Variants in PCDHAC1 observed in about 807,000 individuals in gnomAD.
PCDHAC1 encodes protocadherin alpha-C1.
In PCDHAC1, 42 loss-of-function variants were observed where a neutral mutation model predicts 60.0. The observed-to-expected ratio is 0.70, with a 90% CI of 0.55 to 0.90. The LOEUF is 0.90. Ranked by LOEUF, PCDHAC1 falls within the 40% of genes least tolerant of loss-of-function variation. The pLI, the probability that PCDHAC1 is intolerant of heterozygous loss-of-function variation, is 0.00. For synonymous variants in PCDHAC1, 468 were observed against 499.3 expected (o/e 0.94, Z 0.84); for missense variants, 1,160 against 1,222.3 (o/e 0.95, Z 0.76).
intron 1 of PCDHAC1, among the ~76,000 whole-genome samples, chr5:140,952,745 A>G (rs1554220592): frequency 6.6e-6 from 1 of 152,220 alleles, no homozygotes; most frequent in African/African-American, 2.4e-5. Context: ...TCACACTGCT[A>G]TAAAAACACC....
chr5:140,984,878 C>G (rs2097124872), intron 3 of PCDHAC1, among the ~76,000 whole-genome samples: 1 of 151,854 alleles, frequency 6.6e-6, no homozygotes, highest in African/African-American at 2.4e-5. Flanking sequence ...ATTGAGTTAC[C>G]ATGAGAACTA....
At chr5:140,958,925 G>T (rs980567381) in intron 1 of PCDHAC1, among the ~76,000 whole-genome samples, 1 of 144,748 alleles carries the variant, frequency 6.9e-6, no homozygotes, top group African/African-American at 2.6e-5. Flanking sequence ...GGGTGTGGTG[G>T]CTCATACTTG....
intron 3 of PCDHAC1, among the ~76,000 whole-genome samples, chr5:141,008,665 T>A (rs2098385671): frequency 6.6e-6 from 1 of 152,210 alleles, no homozygotes; most frequent in Non-Finnish European, 1.5e-5. Context: ...CACAATACTT[T>A]ACATATACTT....
In PCDHAC1 at chr5:140,927,640, A is replaced by G. The variant is rs2084459027; in HGVS notation, c.748A>G (p.Thr250Ala). The G allele has an allele frequency of 5.0e-6, 8 of 1,614,138 alleles. No individual in the cohort carries two copies. The highest frequency in any genetic ancestry group is 6.8e-6 in the Non-Finnish European group (8 of 1,180,018). ...GGTTCCAGAGACTGCACCCAATGGG[A>G]CTGTGTTATTCCGAGTTCAAGCCTT... ...TKVPETAPNG[T>A]VLFRVQALDP... Residue 250 changes from threonine (T) to alanine (A), a missense_variant, in exon 1 of 4, where the codon ACT (threonine) becomes GCT (alanine). Coordinates refer to ENST00000253807, the MANE Select transcript of PCDHAC1 (RefSeq NM_018898.5).
chr5:141,007,256 G>A (rs1412168610), intron 3 of PCDHAC1, among the ~76,000 whole-genome samples: 1 of 152,034 alleles, frequency 6.6e-6, no homozygotes, highest in Non-Finnish European at 1.5e-5. Flanking sequence ...CAAGTTAAAA[G>A]AAGCAGATAC....
At chr5:140,964,959 T>C (rs1330728069) in intron 1 of PCDHAC1, among the ~76,000 whole-genome samples, 2 of 152,168 alleles carry the variant, frequency 1.3e-5, no homozygotes, top group African/African-American at 4.8e-5. Context: ...GCTTGGTTGG[T>C]GGAACGAAGG....
chr5:140,928,557 C>G lies in PCDHAC1; in HGVS notation c.1665C>G (p.Ile555Met), dbSNP rs556688707. 7 of 1,614,238 alleles carry G rather than the reference C, an allele frequency of 4.3e-6. 1 individual carries two copies. The East Asian group carries it at 1.6e-4, about 36-fold the overall frequency. The change falls in exon 1 of 4, where the codon ATC becomes ATG. Residue 555 changes from isoleucine to methionine, a missense_variant. Coordinates refer to ENST00000253807, the MANE Select transcript of PCDHAC1 (RefSeq NM_018898.5). ...ATAGGAATGACAATTATCCGGTTAT[C>G]TTGTTTCCCTTGCCCAGAAATGGTT... Reference protein sequence around the residue: ...VVDRNDNYPVILFPLPRNGSV... With the variant: ...VVDRNDNYPVMLFPLPRNGSV...
chr5:140,971,202 C>T (rs1486022070), intron 1 of PCDHAC1, among the ~76,000 whole-genome samples: 1 of 152,156 alleles, frequency 6.6e-6, no homozygotes, highest in Non-Finnish European at 1.5e-5. Context: ...AGGAAAGACA[C>T]TGTTACCCTC....
rs1259591783 is a variant in PCDHAC1, at chr5:141,009,842, G to C, written c.2797G>C (p.Glu933Gln). 1.2e-6 allele frequency: 2 copies of C among 1,613,960 alleles called. No individual in the cohort carries two copies. The highest frequency in any genetic ancestry group is 1.7e-6 in the Non-Finnish European group (2 of 1,180,014). ...TGACTTCATAACCTTCGGCAAAAAG[G>C]AGGAGACCAAGAAAAAGAAGAAAAA... ...KSDFITFGKKEETKKKKKKKK... is the reference protein window; with the variant it reads ...KSDFITFGKKQETKKKKKKKK... The change falls in exon 4 of 4, where the codon GAG becomes CAG. Residue 933 changes from glutamate (E) to glutamine (Q), a missense_variant. Coordinates refer to ENST00000253807, the MANE Select transcript of PCDHAC1 (RefSeq NM_018898.5).
chr5:141,005,701 C>CAAAAAA (rs59860837), intron 3 of PCDHAC1, among the ~76,000 whole-genome samples: 13 of 7,792 alleles, frequency 1.7e-3, no homozygotes, highest in East Asian at 3.2e-3. Context: ...AACTCCGTCT[C>CAAAAAA]AAAAAAAAAA....
At chr5:140,992,044 T>A (rs1160444128) in intron 3 of PCDHAC1, among the ~76,000 whole-genome samples, 1 of 151,788 alleles carries the variant, frequency 6.6e-6, no homozygotes, top group African/African-American at 2.4e-5. Flanking sequence ...TGTGTGTGTG[T>A]GTGTGTGTGT....
At chr5:140,960,934 A>G (rs1429908471) in intron 1 of PCDHAC1, among the ~76,000 whole-genome samples, 3 of 152,236 alleles carry the variant, frequency 2.0e-5, no homozygotes, top group Admixed American at 1.3e-4. Context: ...TACTAAGTTT[A>G]GTGAATTAGA....
Position 140,926,859 on chromosome 5 carries a change from G to A in PCDHAC1, c.-34G>A. 6.6e-7 allele frequency: 1 copy of A among 1,521,332 alleles called. No homozygotes were observed. The highest frequency in any genetic ancestry group is 8.8e-7 in the Non-Finnish European group (1 of 1,134,748). 94.2% of individuals were successfully genotyped at this position (1,521,332 alleles called of 1,614,324 possible). ...ATGGTCCTGGGTCACCGTTGGTGTAGCGTGTTGGTGGAACGTGGACGCCTA... is the reference window on the plus strand; with the variant it reads ...ATGGTCCTGGGTCACCGTTGGTGTAACGTGTTGGTGGAACGTGGACGCCTA... On this transcript the variant is annotated 5_prime_UTR_variant, in exon 1 of 4. Transcript: ENST00000253807.
At position 140,927,270 on chromosome 5, in the gene PCDHAC1, C is replaced by T. The variant is rs541200655; in HGVS notation, c.378C>T (p.Ala126=). 5 of 1,614,150 alleles carry T rather than the reference C, an allele frequency of 3.1e-6. No individual in the cohort carries two copies. The South Asian group carries it at 3.3e-5, about 11-fold the overall frequency. ...ATGACAACTCACCTCTCTTTCCTGCCGGCGACGTGCAGCTGCACATCCCCG... is the reference window on the plus strand; with the variant it reads ...ATGACAACTCACCTCTCTTTCCTGCTGGCGACGTGCAGCTGCACATCCCCG... ...DTNDNSPLFP[A]GDVQLHIPEF... Residue 126 remains alanine (A), a synonymous_variant, in exon 1 of 4, where the codon GCC becomes GCT. Transcript: ENST00000253807.
Position 140,968,771 on chromosome 5 carries a change from T to C in PCDHAC1, c.2434-10178T>C, listed in dbSNP as rs144153196. The C allele has an allele frequency of 3.1e-6, 5 of 1,614,024 alleles. No homozygotes were observed. Among genetic ancestry groups the C allele is most frequent in the Non-Finnish European group, 4.2e-6 (5 of 1,180,044 alleles). On this transcript the variant is annotated intron_variant, in intron 1 of 3. Transcript: ENST00000253807. The stretch of plus-strand genomic sequence containing the variant: ...GGTGGTCCGAGATAATGGAGAGCCA[T>C]CACTATCAGCCTCTGTGGCCATTAC...
intron 1 of PCDHAC1, chr5:140,967,260 C>G: frequency 6.2e-7 from 1 of 1,613,500 alleles, no homozygotes; most frequent in Non-Finnish European, 8.5e-7. Flanking sequence ...GCGCCTGGAG[C>G]GCGCTTTCAC....
At chr5:140,940,667 T>A (rs1167360120) in intron 1 of PCDHAC1, among the ~76,000 whole-genome samples, 5 of 152,224 alleles carry the variant, frequency 3.3e-5, no homozygotes, top group African/African-American at 1.2e-4. Context: ...TAAATCTTCA[T>A]CTGATAATTC....
intron 3 of PCDHAC1, among the ~76,000 whole-genome samples, chr5:141,008,156 G>A (rs1231186640): frequency 6.6e-6 from 1 of 152,150 alleles, no homozygotes; most frequent in Non-Finnish European, 1.5e-5. Context: ...GGTTTGATAA[G>A]ATGAGGACTA....
intron 1 of PCDHAC1, among the ~76,000 whole-genome samples, chr5:140,932,235 G>A (rs372410374): frequency 4.0e-5 from 6 of 151,638 alleles, no homozygotes; most frequent in African/African-American, 1.5e-4. Context: ...TTTTAGAATG[G>A]TATCTAAGAG....
Sources: gnomAD v4.1 joint callset for allele counts (sites outside exome capture counted in the v4.1 genomes callset) on GRCh38, gnomAD v4.1.1 for gene constraint, MANE v1.5 for transcripts, NCBI Gene and HGNC (gene_info 2026-07-23, HGNC 2026-07-21) for gene names.